The following CTNNA2 variants were observed in gnomAD, a reference collection of about 807,000 sequenced individuals.
CTNNA2 encodes catenin alpha-2.
Under a neutral mutation model 101.0 loss-of-function variants are expected in CTNNA2, and 42 were observed. That is an observed-to-expected ratio of 0.42 (90% CI 0.32 to 0.54). The LOEUF (loss-of-function observed/expected upper bound fraction) is 0.54, where lower values mean the gene tolerates loss of function less well. CTNNA2 is among the 20% of genes least tolerant of loss of function. The pLI is 0.14. For missense variants in CTNNA2, 871 were observed against 1,223.1 expected (o/e 0.71, Z 4.29); for synonymous variants, 450 against 456.4 (o/e 0.99, Z 0.18).
intron 9 of CTNNA2, among the ~76,000 whole-genome samples, chr2:80,439,847 T>C (rs1682400211): frequency 6.6e-6 from 1 of 152,214 alleles, no homozygotes; most frequent in Non-Finnish European, 1.5e-5. Context: ...CATTAGCAGT[T>C]GGTAACAGAC....
intron 2 of CTNNA2, among the ~76,000 whole-genome samples, chr2:79,293,452 C>A (rs537348280): frequency 6.6e-6 from 1 of 152,194 alleles, no homozygotes; most frequent in African/African-American, 2.4e-5. Flanking sequence ...CAGTCCCTCT[C>A]CCCTAGAAGC....
intron 7 of CTNNA2, among the ~76,000 whole-genome samples, chr2:79,976,685 A>G (rs1690868797): frequency 6.6e-6 from 1 of 152,190 alleles, no homozygotes; most frequent in Admixed American, 6.5e-5. Flanking sequence ...TGCATAGACA[A>G]TAAAGCTTTG....
rs185676035 is a variant in CTNNA2, at chr2:79,322,529, A to G, written c.-318+9733A>G. On this transcript the variant is annotated intron_variant, in intron 3 of 21. Coordinates refer to the CTNNA2 transcript ENST00000466387. ...AACTCTCACATTAGAAAATACTCTT[A>G]GCCCAGATATTTCTTTCCATATGAT... is the stretch of plus-strand genomic sequence containing the variant. 3.3e-4 allele frequency among the ~76,000 whole-genome samples: 50 copies of G among 152,332 alleles called. No homozygotes were observed. In the East Asian group the frequency reaches 6.2e-3, roughly 19 times the overall value.
chr2:80,167,031 A>G (rs1369177013), intron 7 of CTNNA2, among the ~76,000 whole-genome samples: 1 of 151,844 alleles, frequency 6.6e-6, no homozygotes, highest in Non-Finnish European at 1.5e-5. Flanking sequence ...TTCTTCTTGC[A>G]TTTCATTCTT....
At chr2:80,562,449 CA>C (rs1346963010) in intron 12 of CTNNA2, among the ~76,000 whole-genome samples, 4 of 152,010 alleles carry the variant, frequency 2.6e-5, no homozygotes, top group Non-Finnish European at 5.9e-5. Flanking sequence ...GGCAAAAATC[CA>C]AAAGTTCTAT....
At chr2:79,696,432 A>T (rs1430322887) in intron 2 of CTNNA2, among the ~76,000 whole-genome samples, 1 of 152,024 alleles carries the variant, frequency 6.6e-6, no homozygotes. Flanking sequence ...GTTTCTTGAT[A>T]TCCTCTTGGT....
intron 7 of CTNNA2, among the ~76,000 whole-genome samples, chr2:80,364,460 T>A (rs1234079869): frequency 6.6e-6 from 1 of 152,126 alleles, no homozygotes; most frequent in Admixed American, 6.6e-5. Context: ...CTTTGCCTTA[T>A]TTTAGTCGTT....
chr2:80,126,404 C>G (rs2148886807), intron 7 of CTNNA2, among the ~76,000 whole-genome samples: 1 of 151,922 alleles, frequency 6.6e-6, no homozygotes, highest in South Asian at 2.1e-4. Flanking sequence ...GAGATCTTCT[C>G]TGGCCCATCT....
At chr2:80,051,724 C>A (rs1006533961) in intron 7 of CTNNA2, among the ~76,000 whole-genome samples, 2 of 151,994 alleles carry the variant, frequency 1.3e-5, no homozygotes, top group Admixed American at 6.6e-5. Context: ...TTGCTCATGC[C>A]ATTTTCTTGC....
At chr2:79,242,810 G>T (rs973361946) in intron 2 of CTNNA2, among the ~76,000 whole-genome samples, 12 of 151,798 alleles carry the variant, frequency 7.9e-5, no homozygotes, top group African/African-American at 2.9e-4. Flanking sequence ...TCTACAAAAA[G>T]TAAAAGCATC....
chr2:79,359,614 T>C (rs561865497), intron 3 of CTNNA2, among the ~76,000 whole-genome samples: 4 of 152,298 alleles, frequency 2.6e-5, no homozygotes, highest in African/African-American at 9.6e-5. Flanking sequence ...AGAATTACTC[T>C]ATAGATATGC....
chr2:79,778,186 A>AC (rs1221391036), intron 3 of CTNNA2, among the ~76,000 whole-genome samples: 1 of 151,998 alleles, frequency 6.6e-6, no homozygotes, highest in African/African-American at 2.4e-5. Context: ...TACTAAAAAT[A>AC]CAAAAAAAAA....
intron 7 of CTNNA2, among the ~76,000 whole-genome samples, chr2:80,155,666 C>T (rs1703964706): frequency 6.6e-6 from 1 of 152,136 alleles, no homozygotes; most frequent in Non-Finnish European, 1.5e-5. Flanking sequence ...CTTGAGCTGC[C>T]TTTATTGCAA....
chr2:79,374,831 G>T (rs1258021175), intron 4 of CTNNA2, among the ~76,000 whole-genome samples: 1 of 152,052 alleles, frequency 6.6e-6, no homozygotes, highest in African/African-American at 2.4e-5. Flanking sequence ...GTGCAAATGG[G>T]TGACTTGACT....
At chr2:80,145,129 G>T (rs571731074) in intron 7 of CTNNA2, among the ~76,000 whole-genome samples, 68 of 152,290 alleles carry the variant, frequency 4.5e-4, no homozygotes, top group African/African-American at 1.6e-3. Context: ...AATATAACAT[G>T]TTGACATAAG....
At chr2:80,362,353 G>C (rs1573843897) in intron 7 of CTNNA2, among the ~76,000 whole-genome samples, 1 of 152,092 alleles carries the variant, frequency 6.6e-6, no homozygotes, top group Non-Finnish European at 1.5e-5. Flanking sequence ...AAAAGGATGA[G>C]GGAGAGGTCT....
intron 1 of CTNNA2, among the ~76,000 whole-genome samples, chr2:79,623,500 G>A (rs1679118328): frequency 6.6e-6 from 1 of 152,124 alleles, no homozygotes; most frequent in South Asian, 2.1e-4. Flanking sequence ...ATGGTAATGA[G>A]AATTCATTCT....
intron 5 of CTNNA2, among the ~76,000 whole-genome samples, 185 bp from the exon 6 acceptor site, chr2:79,873,891 A>C (rs958314296): frequency 2.0e-5 from 3 of 152,062 alleles, no homozygotes; most frequent in Admixed American, 2.0e-4. Flanking sequence ...CACTATAGAG[A>C]CCTAGCTGTC....
At chr2:80,412,696 C>T (rs374849402) in intron 8 of CTNNA2, among the ~76,000 whole-genome samples, 7 of 151,968 alleles carry the variant, frequency 4.6e-5, no homozygotes, top group African/African-American at 9.7e-5. Context: ...TGGTCTGAGG[C>T]GGTCATCTTA....
Sources: allele counts gnomAD v4.1 joint callset (sites outside exome capture counted in the v4.1 genomes callset), GRCh38; gene constraint gnomAD v4.1.1; transcripts MANE v1.5; gene names NCBI Gene and HGNC (gene_info 2026-07-23, HGNC 2026-07-21).